Variants in TAFA2 observed in about 807,000 individuals in gnomAD.
The protein encoded by TAFA2 is chemokine-like protein TAFA-2.
TAFA2 carries 7 observed loss-of-function variants against 18.8 expected under a neutral mutation model. The ratio of observed to expected loss-of-function variants is 0.37; its 90% CI spans 0.21 to 0.70. The LOEUF (loss-of-function observed/expected upper bound fraction) is 0.70, where lower values mean the gene tolerates loss of function less well. Among genes scored for constraint, TAFA2 ranks in the 30% least tolerant of loss-of-function variants. The probability of loss-of-function intolerance (pLI) is 0.53; values close to 1 mark genes in which losing one functional copy is unlikely to be tolerated. For synonymous variants in TAFA2, 60 were observed against 54.2 expected (o/e 1.11, Z -0.47); for missense variants, 122 against 158.1 (o/e 0.77, Z 1.23).
chr12:61,868,644 A>G (rs1874460034), intron 1 of TAFA2, among the ~76,000 whole-genome samples: 1 of 152,150 alleles, frequency 6.6e-6, no homozygotes, highest in African/African-American at 2.4e-5. Context: ...TGGCTATACA[A>G]TTTCAAAGAG....
intron 1 of TAFA2, among the ~76,000 whole-genome samples, chr12:62,081,336 A>C (rs760231381): frequency 1.3e-5 from 2 of 152,238 alleles, no homozygotes; most frequent in Non-Finnish European, 2.9e-5. Flanking sequence ...AAAATAGGTA[A>C]AACATGAATT....
chr12:61,840,154 T>C (rs1025615436), intron 2 of TAFA2, among the ~76,000 whole-genome samples: 3 of 152,074 alleles, frequency 2.0e-5, no homozygotes, highest in Non-Finnish European at 2.9e-5. Flanking sequence ...CTGAATCCAG[T>C]GCTTCAGGAG....
chr12:62,060,530 G>A (rs184272094), intron 1 of TAFA2, among the ~76,000 whole-genome samples: 1 of 152,128 alleles, frequency 6.6e-6, no homozygotes, highest in South Asian at 2.1e-4. Flanking sequence ...CAATGTTATT[G>A]GTTTATGTAT....
chr12:62,198,211 C>T (rs897810902), intron 1 of TAFA2: 4 of 152,108 alleles, frequency 2.6e-5, no homozygotes, highest in Non-Finnish European at 5.9e-5. Context: ...AGACAATCTA[C>T]CTGTTATTAT....
At chr12:62,233,066 CTTTTTTTTTTTTTT>C (rs34781688) in intron 1 of TAFA2, among the ~76,000 whole-genome samples, 994 of 39,682 alleles carry the variant, frequency 0.025, 30 homozygotes, top group African/African-American at 0.083. Flanking sequence ...TTCTGCATCT[CTTTTTTTTTTTTTT>C]TTTTTTTTTT....
intron 1 of TAFA2, among the ~76,000 whole-genome samples, chr12:61,959,130 T>C (rs1424968171): frequency 1.3e-5 from 2 of 152,048 alleles, no homozygotes; most frequent in Non-Finnish European, 2.9e-5. Context: ...TCCTTTTAAT[T>C]CATCCTTCTT....
chr12:62,031,480 C>T (rs1318942968), intron 1 of TAFA2, among the ~76,000 whole-genome samples: 2 of 151,908 alleles, frequency 1.3e-5, no homozygotes, highest in East Asian at 3.9e-4. Flanking sequence ...TTAATAAACT[C>T]CCCTTTATAT....
rs1335636130 is a variant in TAFA2, at chr12:61,710,331, C to A, written c.*75G>T. Reference sequence around the variant, plus strand: ...AGTGGTATAAAAATCTTCAAGATCACCTCAGGAGTTGAGTTAAGTTTCTAT... The same window carrying A: ...AGTGGTATAAAAATCTTCAAGATCAACTCAGGAGTTGAGTTAAGTTTCTAT... On this transcript the variant is annotated 3_prime_UTR_variant, in exon 5 of 5. Transcript: ENST00000416284. The A allele has an allele frequency of 2.2e-6, 3 of 1,383,186 alleles. No individual in the cohort carries two copies. The African/African-American group carries it at 4.3e-5, about 20-fold the overall frequency. 85.7% of individuals were successfully genotyped at this position (1,383,186 alleles called of 1,614,324 possible).
intron 1 of TAFA2, among the ~76,000 whole-genome samples, chr12:62,042,432 C>T (rs3031094): frequency 0.022 from 3,220 of 143,480 alleles, 62 homozygotes; most frequent in Middle Eastern, 0.055. Context: ...TGTGTGTGCG[C>T]GTGTGTGTGT....
intron 2 of TAFA2, among the ~76,000 whole-genome samples, chr12:61,846,122 G>A (rs1480120157): frequency 6.6e-6 from 1 of 152,132 alleles, no homozygotes; most frequent in East Asian, 1.9e-4. Context: ...TTTAGCTAAA[G>A]AGCAACAAAA....
At chr12:61,803,310 G>A (rs994386279) in intron 2 of TAFA2, among the ~76,000 whole-genome samples, 6 of 151,864 alleles carry the variant, frequency 4.0e-5, no homozygotes, top group African/African-American at 1.4e-4. Flanking sequence ...AGTGTACCAT[G>A]CAATAGAATA....
intron 1 of TAFA2, 22 bp from the exon 2 acceptor site, chr12:61,867,448 A>C: frequency 7.1e-7 from 1 of 1,403,234 alleles, no homozygotes; most frequent in Non-Finnish European, 1.0e-6. Flanking sequence ...AAAATAATAA[A>C]AATCATAAGT....
At chr12:62,228,691 AT>A (rs1451383120) in intron 1 of TAFA2, among the ~76,000 whole-genome samples, 11 of 151,996 alleles carry the variant, frequency 7.2e-5, no homozygotes, top group Non-Finnish European at 2.9e-5. Context: ...TAAGTTCAGG[AT>A]TTTTTTGGTT....
At chr12:62,234,891 A>G (rs138155396) in intron 1 of TAFA2, 34,694 of 987,826 alleles carry the variant, frequency 0.035, 766 homozygotes, top group Non-Finnish European at 0.039. Flanking sequence ...TCCCACGATC[A>G]TGGGCATCTT....
At chr12:61,868,347 G>A (rs544943219) in intron 1 of TAFA2, among the ~76,000 whole-genome samples, 8 of 152,138 alleles carry the variant, frequency 5.3e-5, no homozygotes, top group Admixed American at 5.2e-4. Context: ...TTAATCACTG[G>A]GGGATAAGCA....
chr12:62,126,450 C>T (rs1034148949), intron 1 of TAFA2, among the ~76,000 whole-genome samples: 23 of 152,202 alleles, frequency 1.5e-4, no homozygotes, highest in African/African-American at 5.3e-4. Context: ...AATAGTGTCT[C>T]TTTCCAGGGC....
intron 1 of TAFA2, among the ~76,000 whole-genome samples, chr12:61,911,305 A>G (rs1876601984): frequency 6.6e-6 from 1 of 152,190 alleles, no homozygotes; most frequent in South Asian, 2.1e-4. Flanking sequence ...GAATCTGGGC[A>G]ACATTTCAAG....
rs375279293 is a variant in TAFA2, at chr12:61,829,898, C to T, written c.106+37422G>A. 4.6e-5 allele frequency among the ~76,000 whole-genome samples: 7 copies of T among 151,672 alleles called. No individual in the cohort carries two copies. In the East Asian group the frequency reaches 1.4e-3, roughly 29 times the overall value. ...TGTCCTACCTCAAAATATCTCCCTC[C>T]TCCATCTATTTAGTGGACAGTAAGC... On this transcript the variant is annotated intron_variant, in intron 2 of 4. Coordinates refer to ENST00000416284, the MANE Select transcript of TAFA2 (RefSeq NM_178539.5).
intron 1 of TAFA2, among the ~76,000 whole-genome samples, chr12:61,898,397 G>A (rs562538032): frequency 6.6e-6 from 1 of 152,348 alleles, no homozygotes; most frequent in Admixed American, 6.5e-5. Flanking sequence ...CCCTAGCAGA[G>A]GTTCTCCATG....
Sources: gnomAD v4.1 joint callset for allele counts (sites outside exome capture counted in the v4.1 genomes callset) on GRCh38, gnomAD v4.1.1 for gene constraint, MANE v1.5 for transcripts, NCBI Gene and HGNC (gene_info 2026-07-23, HGNC 2026-07-21) for gene names.